ANK3: variants seen among roughly 807,000 people sequenced by gnomAD.
ANK3 encodes ankyrin 3.
A neutral mutation model predicts 370.9 loss-of-function variants in ANK3; 57 were observed. The ratio of observed to expected loss-of-function variants is 0.15; its 90% confidence interval spans 0.12 to 0.19. The LOEUF (loss-of-function observed/expected upper bound fraction) is 0.19. Among genes scored for constraint, ANK3 ranks in the 10% least tolerant of loss-of-function variants. The pLI, the probability that ANK3 is intolerant of heterozygous loss-of-function variation, is 1.00. For missense variants in ANK3, 4,439 were observed against 5,302.1 expected (o/e 0.84, Z 5.06); for synonymous variants, 1,929 against 1,946.3 (o/e 0.99, Z 0.23).
intron 2 of ANK3, among the ~76,000 whole-genome samples, chr10:60,511,666 T>G (rs2076083469): frequency 6.6e-6 from 1 of 152,056 alleles, no homozygotes; most frequent in Non-Finnish European, 1.5e-5. Context: ...TGACACACAT[T>G]AAGAGACAAG....
At chr10:60,165,067 A>C (rs988372902) in intron 23 of ANK3, among the ~76,000 whole-genome samples, 1 of 152,196 alleles carries the variant, frequency 6.6e-6, no homozygotes, top group Non-Finnish European at 1.5e-5. Context: ...CCATATGTAT[A>C]AGGCTGTTAG....
chr10:60,303,680 G>A (rs143574428), intron 1 of ANK3, among the ~76,000 whole-genome samples: 6 of 152,236 alleles, frequency 3.9e-5, no homozygotes, highest in East Asian at 1.9e-4. Flanking sequence ...AACAGTATGG[G>A]AGTTCAATGA....
chr10:60,290,501 AT>A (rs1474337823), intron 1 of ANK3, among the ~76,000 whole-genome samples: 1 of 152,194 alleles, frequency 6.6e-6, no homozygotes. Context: ...TACTTAACCA[AT>A]TAAAAAAAAT....
chr10:60,041,853 T>A (rs1210898217), intron 43 of ANK3, among the ~76,000 whole-genome samples: 1 of 152,214 alleles, frequency 6.6e-6, no homozygotes, highest in East Asian at 1.9e-4. Context: ...TGCATACCAG[T>A]ATTCTGGCAA....
intron 23 of ANK3, among the ~76,000 whole-genome samples, chr10:60,160,639 T>C (rs534611635): frequency 1.3e-5 from 2 of 152,068 alleles, no homozygotes; most frequent in African/African-American, 4.8e-5. Context: ...TGAACACAAA[T>C]GCAAAAAATC....
intron 1 of ANK3, among the ~76,000 whole-genome samples, chr10:60,352,755 C>T (rs979846522): frequency 2.0e-5 from 3 of 152,098 alleles, no homozygotes; most frequent in African/African-American, 7.2e-5. Context: ...AAGTGTTGAG[C>T]CATTTACTTT....
At chr10:60,363,188 A>C (rs2058887329) in intron 1 of ANK3, among the ~76,000 whole-genome samples, 2 of 152,090 alleles carry the variant, frequency 1.3e-5, no homozygotes, top group African/African-American at 4.8e-5. Flanking sequence ...TTTTTGATAA[A>C]GGCACTGAAT....
intron 6 of ANK3, among the ~76,000 whole-genome samples, chr10:60,263,040 A>G (rs1382093529): frequency 6.6e-6 from 1 of 152,182 alleles, no homozygotes; most frequent in Non-Finnish European, 1.5e-5. Flanking sequence ...GCAAAGAAGA[A>G]GGGAGAGACA....
chr10:60,188,011 A>T (rs919914278), intron 16 of ANK3, among the ~76,000 whole-genome samples: 5 of 152,084 alleles, frequency 3.3e-5, no homozygotes, highest in African/African-American at 1.2e-4. Flanking sequence ...GGGGATATTT[A>T]GTGGCACTCT....
chr10:60,432,571 T>G (rs926741709), intron 2 of ANK3, among the ~76,000 whole-genome samples: 1 of 152,216 alleles, frequency 6.6e-6, no homozygotes, highest in Non-Finnish European at 1.5e-5. Context: ...CTCTAGGAAT[T>G]GACTATCCAT....
At chr10:60,584,548 T>C (rs1044805254) in intron 2 of ANK3, among the ~76,000 whole-genome samples, 9 of 152,132 alleles carry the variant, frequency 5.9e-5, no homozygotes, top group Non-Finnish European at 1.2e-4. Context: ...AGCCAGGAGT[T>C]TGAGGCTGCA....
At chr10:60,529,322 G>A (rs541247438) in intron 2 of ANK3, among the ~76,000 whole-genome samples, 3 of 152,104 alleles carry the variant, frequency 2.0e-5, no homozygotes, top group African/African-American at 4.8e-5. Context: ...ATCACAAAAT[G>A]TTCTCAAATG....
At chr10:60,702,892 G>T (rs1188398713) in intron 1 of ANK3, among the ~76,000 whole-genome samples, 1 of 152,146 alleles carries the variant, frequency 6.6e-6, no homozygotes, top group Non-Finnish European at 1.5e-5. Flanking sequence ...TTACAAAAAA[G>T]TATCCAAGCT....
intron 24 of ANK3, among the ~76,000 whole-genome samples, chr10:60,136,906 C>G (rs2094368968): frequency 6.6e-6 from 1 of 152,074 alleles, no homozygotes; most frequent in South Asian, 2.1e-4. Context: ...CTATTTGTAG[C>G]CATCAGTACA....
At chr10:60,350,801 G>C (rs1039354312) in intron 1 of ANK3, among the ~76,000 whole-genome samples, 16 of 152,194 alleles carry the variant, frequency 1.1e-4, no homozygotes, top group African/African-American at 3.6e-4. Context: ...CAGGGTCTCA[G>C]CAGCCCCTGG....
At chr10:60,131,619 C>G (rs1399826421) in intron 25 of ANK3, among the ~76,000 whole-genome samples, 2 of 152,136 alleles carry the variant, frequency 1.3e-5, no homozygotes, top group Admixed American at 6.6e-5. Flanking sequence ...AATGCTGCCC[C>G]CACAGTCTAC....
chr10:60,620,836 C>G (rs1315642458), intron 1 of ANK3, among the ~76,000 whole-genome samples: 1 of 151,986 alleles, frequency 6.6e-6, no homozygotes, highest in Non-Finnish European at 1.5e-5. Context: ...TCTCTAATAA[C>G]AAGTAAAACA....
chr10:60,580,161 C>T (rs530981916), intron 2 of ANK3, among the ~76,000 whole-genome samples: 1 of 152,164 alleles, frequency 6.6e-6, no homozygotes, highest in South Asian at 2.1e-4. Context: ...ACGTCCATTA[C>T]TTATTTTCTA....
intron 1 of ANK3, among the ~76,000 whole-genome samples, chr10:60,344,982 G>C (rs1014557826): frequency 3.3e-5 from 5 of 152,252 alleles, no homozygotes; most frequent in Admixed American, 6.5e-5. Flanking sequence ...TTGTATAGTT[G>C]GGTCTTCAAA....
Sources: gnomAD v4.1 joint callset for allele counts (sites outside exome capture counted in the v4.1 genomes callset) on GRCh38, gnomAD v4.1.1 for gene constraint, MANE v1.5 for transcripts, NCBI Gene and HGNC (gene_info 2026-07-23, HGNC 2026-07-21) for gene names.